Variants in CIT observed in about 807,000 individuals in gnomAD.
CIT encodes the protein citron Rho-interacting kinase.
In CIT, 79 loss-of-function variants were observed where a neutral mutation model predicts 272.7. The ratio of observed to expected loss-of-function variants is 0.29; its 90% CI spans 0.24 to 0.35. The LOEUF is 0.35. CIT is among the 10% of genes least tolerant of loss of function. The pLI, the probability that CIT is intolerant of heterozygous loss-of-function variation, is 1.00. For missense variants in CIT, 1,909 were observed against 2,618.3 expected (o/e 0.73, Z 5.91); for synonymous variants, 948 against 995.6 (o/e 0.95, Z 0.90).
chr12:119,723,792 G>C lies in CIT; in HGVS notation c.3592-2343C>G, dbSNP rs139781535. Among the ~76,000 whole-genome samples, 3 of 152,328 alleles carry C rather than the reference G, an allele frequency of 2.0e-5. No individual in the cohort carries two copies. In the East Asian group the frequency reaches 5.8e-4, roughly 29 times the overall value. On this transcript the variant is annotated intron_variant, in intron 28 of 47. Transcript: ENST00000392521. ...TGGAAGGGCAGGTAGTGATTTAACA[G>C]ACCAGTGGTGTCAATGATGTGATCA...
chr12:119,763,988 T>C (rs1962127495), intron 19 of CIT, among the ~76,000 whole-genome samples: 2 of 152,130 alleles, frequency 1.3e-5, no homozygotes, highest in Admixed American at 1.3e-4. Flanking sequence ...GAGTAAGAAA[T>C]TGCCAAAAAC....
At chr12:119,837,394 T>C (rs898877616) in intron 5 of CIT, among the ~76,000 whole-genome samples, 1 of 152,202 alleles carries the variant, frequency 6.6e-6, no homozygotes, top group Non-Finnish European at 1.5e-5. Context: ...ACCCAGGACT[T>C]GAGTGCTTTC....
chr12:119,874,315 G>A (rs1476804814), intron 2 of CIT, among the ~76,000 whole-genome samples: 2 of 151,882 alleles, frequency 1.3e-5, no homozygotes, highest in Admixed American at 6.6e-5. Flanking sequence ...CAAGTAATCC[G>A]CCCGCCTCAG....
chr12:119,813,613 A>G (rs758747810), intron 9 of CIT, among the ~76,000 whole-genome samples: 3 of 152,224 alleles, frequency 2.0e-5, no homozygotes, highest in Non-Finnish European at 4.4e-5. Flanking sequence ...GCAAGTGAGA[A>G]TTTAAGGGTT....
chr12:119,731,090 G>T (rs1040493546), intron 26 of CIT, among the ~76,000 whole-genome samples: 1 of 151,990 alleles, frequency 6.6e-6, no homozygotes, highest in East Asian at 1.9e-4. Flanking sequence ...TCACACCACC[G>T]CACTCCAGCC....
chr12:119,804,040 T>G lies in CIT; in HGVS notation c.1112-651A>C. On this transcript the variant is annotated intron_variant, in intron 9 of 47. Coordinates refer to ENST00000392521, the MANE Select transcript of CIT (RefSeq NM_001206999.2). The surrounding 1 kb of genome is among the most constrained non-coding windows in gnomAD (Gnocchi z 5.3). ...ATCTTCCCCAGCGCAATCATGCCCA[T>G]CAAATCCACTGCAGTTTAATCAGCA... is the stretch of plus-strand genomic sequence containing the variant. 2.4e-6 allele frequency: 1 copy of G among 415,500 alleles called. No homozygotes were observed. The highest frequency in any genetic ancestry group is 3.2e-6 in the Non-Finnish European group (1 of 309,624). 25.7% of individuals were successfully genotyped at this position (415,500 alleles called of 1,614,324 possible). A position where few individuals can be genotyped will look rare whatever the true frequency, so the allele number is the denominator to read the frequency against.
At chr12:119,769,084 T>A (rs1962791500) in intron 18 of CIT, among the ~76,000 whole-genome samples, 1 of 152,126 alleles carries the variant, frequency 6.6e-6, no homozygotes, top group Admixed American at 6.5e-5. Flanking sequence ...CCTTTTTTTT[T>A]TTTTTTCCAG....
chr12:119,698,328 G>C (rs913342414), intron 44 of CIT: 2 of 420,094 alleles, frequency 4.8e-6, no homozygotes, highest in African/African-American at 4.0e-5. Context: ...GGTGGCTCAC[G>C]CCTGTAATCC....
At chr12:119,717,691 G>A (rs191920656) in intron 32 of CIT, among the ~76,000 whole-genome samples, 253 of 151,900 alleles carry the variant, frequency 1.7e-3, no homozygotes, top group African/African-American at 5.7e-3. Flanking sequence ...AAAGTGCTGG[G>A]ATTACTGGCG....
At chr12:119,759,881 C>T (rs150448879) in intron 20 of CIT, among the ~76,000 whole-genome samples, 38 of 152,092 alleles carry the variant, frequency 2.5e-4, no homozygotes, top group Middle Eastern at 3.4e-3. Flanking sequence ...TTCCCAGGAT[C>T]TCCCCTCAGA....
chr12:119,711,217 C>A (rs1029843509), intron 37 of CIT: 6 of 661,354 alleles, frequency 9.1e-6, no homozygotes, highest in South Asian at 4.4e-5. Flanking sequence ...TAAGAATCTG[C>A]CAATTGCTAA....
In CIT at chr12:119,828,892, A is replaced by T. The variant is rs149609736; in HGVS notation, c.754-3524T>A. Reference sequence around the variant, plus strand: ...CAACTTAGTTAATTTTTACTGTATTAACAGGGAAGAAAATAAACAAGTTCA... The same window carrying T: ...CAACTTAGTTAATTTTTACTGTATTTACAGGGAAGAAAATAAACAAGTTCA... On this transcript the variant is annotated intron_variant, in intron 7 of 47. Transcript: ENST00000392521. Among the ~76,000 whole-genome samples, 114 of 152,240 alleles carry T rather than the reference A, an allele frequency of 7.5e-4. 2 individuals carry two copies. In the East Asian group the frequency reaches 7.9e-3, roughly 11 times the overall value.
At chr12:119,689,666 CTTTTTTTTT>C (rs531946559) in intron 47 of CIT, among the ~76,000 whole-genome samples, 23 of 75,096 alleles carry the variant, frequency 3.1e-4, no homozygotes, top group African/African-American at 9.3e-4. Flanking sequence ...TTAGGAAGCT[CTTTTTTTTT>C]TTTTTTTTTT....
intron 9 of CIT, among the ~76,000 whole-genome samples, chr12:119,818,816 T>C (rs534551784): frequency 1.3e-5 from 2 of 152,224 alleles, no homozygotes; most frequent in Non-Finnish European, 2.9e-5. Flanking sequence ...TGTTGAGATA[T>C]GGCAGTCTTG....
At chr12:119,868,698 C>A (rs941317506) in intron 3 of CIT, among the ~76,000 whole-genome samples, 1 of 152,146 alleles carries the variant, frequency 6.6e-6, no homozygotes, top group Non-Finnish European at 1.5e-5. Flanking sequence ...CCACCATACC[C>A]AGCTAATTTT....
At chr12:119,734,485 C>G in intron 25 of CIT, 128 bp from the exon 26 acceptor site, 1 of 986,226 alleles carries the variant, frequency 1.0e-6, no homozygotes, top group Non-Finnish European at 1.5e-6. Flanking sequence ...TTGTCTTTTG[C>G]TTCTGCAGCC....
At chr12:119,792,026 AAAAATTAC>A (rs1965353486) in intron 10 of CIT, among the ~76,000 whole-genome samples, 1 of 152,246 alleles carries the variant, frequency 6.6e-6, no homozygotes, top group African/African-American at 2.4e-5. Flanking sequence ...CTTTGTTAAA[AAAAATTAC>A]TTAATAGGGC....
chr12:119,689,642 C>T (rs1955804054), intron 47 of CIT, among the ~76,000 whole-genome samples: 1 of 138,578 alleles, frequency 7.2e-6, no homozygotes, highest in South Asian at 2.4e-4. Flanking sequence ...ATTACACACA[C>T]GTTATCCATT....
Position 119,686,131 on chromosome 12 carries a change from CCT to C in CIT, c.*2099_*2100del, listed in dbSNP as rs962300780. On this transcript the variant is annotated 3_prime_UTR_variant, in exon 48 of 48. Transcript: ENST00000392521. ...AAAAAAGTAGAAACCAATTCAATTT[CCT>C]CTTTTTTTTTTTACGAATATAAAGT... is the stretch of plus-strand genomic sequence containing the variant. The C allele has an allele frequency of 9.9e-5, 15 of 152,148 alleles. No individual in the cohort carries two copies. Among genetic ancestry groups the C allele is most frequent in the Non-Finnish European group, 1.0e-4 (7 of 67,982 alleles). The allele number at this position is 152,148 out of a possible 1,614,324, so 9.4% of individuals were successfully genotyped here. A position where few individuals can be genotyped will look rare whatever the true frequency, so the allele number is the denominator to read the frequency against.
Sources: gnomAD v4.1 joint callset for allele counts (sites outside exome capture counted in the v4.1 genomes callset) on GRCh38, gnomAD v4.1.1 for gene constraint, Gnocchi (gnomAD v3.1) non-coding constraint, MANE v1.5 for transcripts, NCBI Gene and HGNC (gene_info 2026-07-23, HGNC 2026-07-21) for gene names.